TMEM156: variants seen among roughly 807,000 people sequenced by gnomAD.
TMEM156 encodes transmembrane protein 156.
Under a neutral mutation model 30.5 loss-of-function variants are expected in TMEM156, and 28 were observed. The observed-to-expected ratio is 0.92, with a 90% CI of 0.68 to 1.26. The LOEUF (loss-of-function observed/expected upper bound fraction) is 1.26, where lower values mean the gene tolerates loss of function less well. Ranked by LOEUF, TMEM156 falls within the 50% of genes most tolerant of loss-of-function variation. The pLI is 0.00. For synonymous variants in TMEM156, 137 were observed against 119.9 expected (o/e 1.14, Z -0.93); for missense variants, 351 against 340.6 (o/e 1.03, Z -0.24).
chr4:38,990,422 T>C (rs1712337182), intron 3 of TMEM156, among the ~76,000 whole-genome samples: 1 of 152,158 alleles, frequency 6.6e-6, no homozygotes. Flanking sequence ...TGAAGTTAAA[T>C]AGCAGAGAAC....
chr4:39,025,345 C>CAAAAAA, intron 1 of TMEM156, among the ~76,000 whole-genome samples: 1 of 65,760 alleles, frequency 1.5e-5, no homozygotes, highest in Non-Finnish European at 2.7e-5. Context: ...AAGACTGTCT[C>CAAAAAA]AAAAAAAAAA....
rs71304784 is a variant in TMEM156, at chr4:38,990,830, G to GTTTTTTTTTTTTTTTTTTTT, written c.620-1880_620-1861dup. On this transcript the variant is annotated intron_variant, in intron 3 of 6. Transcript: ENST00000381938. ...CTTTGTTTTTTTGGTTTGTTTTCTG[G>GTTTTTTTTTTTTTTTTTTTT]TTTTTTTTTTTTTTTTTTTTTTTGA... Among the ~76,000 whole-genome samples the GTTTTTTTTTTTTTTTTTTTT allele has an allele frequency of 6.5e-4, 53 of 81,210 alleles. 8 individuals are homozygous for GTTTTTTTTTTTTTTTTTTTT. Among genetic ancestry groups the GTTTTTTTTTTTTTTTTTTTT allele is most frequent in the Non-Finnish European group, 9.9e-4 (41 of 41,354 alleles). The allele number at this position is 81,210 out of a possible 152,430, so 53.3% of individuals were successfully genotyped here.
intron 1 of TMEM156, among the ~76,000 whole-genome samples, chr4:39,007,842 A>T (rs1373078814): frequency 6.6e-6 from 1 of 152,102 alleles, no homozygotes; most frequent in Non-Finnish European, 1.5e-5. Context: ...GATCTTATAT[A>T]TTATTAGATT....
rs774067300 is a variant in TMEM156 at position 38,971,060 on chromosome 4, T to G, written c.*10A>C. ...GTATATTGATCTCACTGATGCACTG[T>G]GGAAGTAACTTATAGTTCTGGAATT... On this transcript the variant is annotated 3_prime_UTR_variant, in exon 6 of 7. Transcript: ENST00000381938. 6.2e-7 allele frequency: 1 copy of G among 1,613,390 alleles called. No individual in the cohort carries two copies. Among genetic ancestry groups the G allele is most frequent in the Non-Finnish European group, 8.5e-7 (1 of 1,179,326 alleles).
chr4:39,010,695 G>A (rs571534140), intron 1 of TMEM156, among the ~76,000 whole-genome samples: 2 of 152,084 alleles, frequency 1.3e-5, no homozygotes, highest in South Asian at 4.2e-4. Flanking sequence ...TAAATGCTGC[G>A]GAGAAAACTG....
intron 5 of TMEM156, among the ~76,000 whole-genome samples, chr4:38,978,059 C>T (rs549212880): frequency 7.0e-4 from 106 of 152,280 alleles, no homozygotes; most frequent in Non-Finnish European, 7.1e-4. Flanking sequence ...AAGGTGTTTT[C>T]GTTACTTTGG....
intron 2 of TMEM156, among the ~76,000 whole-genome samples, chr4:38,997,611 G>T (rs1713022596): frequency 6.6e-6 from 1 of 152,182 alleles, no homozygotes; most frequent in African/African-American, 2.4e-5. Flanking sequence ...TAAATTTGAT[G>T]TTTGGGCTTG....
chr4:39,001,064 C>T (rs1374809335), intron 1 of TMEM156, among the ~76,000 whole-genome samples: 1 of 151,762 alleles, frequency 6.6e-6, no homozygotes, highest in Non-Finnish European at 1.5e-5. Flanking sequence ...GAATAGGCAA[C>T]CTATCTTTCA....
At chr4:39,022,882 T>C (rs1426351774) in intron 1 of TMEM156, among the ~76,000 whole-genome samples, 3 of 152,184 alleles carry the variant, frequency 2.0e-5, no homozygotes, top group African/African-American at 7.2e-5. Flanking sequence ...GTATATTAAA[T>C]ATAAACTAGA....
chr4:38,988,729 A>C, intron 4 of TMEM156, 122 bp downstream of exon 4: 1 of 1,292,140 alleles, frequency 7.7e-7, no homozygotes, highest in Non-Finnish European at 1.1e-6. Context: ...TTATTCCTTG[A>C]GTTACCAAGA....
chr4:38,974,950 G>A (rs146458373), intron 5 of TMEM156, among the ~76,000 whole-genome samples: 1,826 of 152,236 alleles, frequency 0.012, 19 homozygotes, highest in South Asian at 0.021. Context: ...TGGGATTGCA[G>A]GCATGAGCCA....
At chr4:39,013,922 A>G (rs943295941) in intron 1 of TMEM156, among the ~76,000 whole-genome samples, 2 of 152,168 alleles carry the variant, frequency 1.3e-5, no homozygotes, top group African/African-American at 2.4e-5. Context: ...CTTAGTTTCT[A>G]TAAGGGGTCA....
chr4:38,967,463 C>G lies in TMEM156; in HGVS notation c.*217G>C, dbSNP rs1722398049. The G allele has an allele frequency of 6.6e-6, 1 of 151,996 alleles. No individual in the cohort carries two copies. The highest frequency in any genetic ancestry group is 2.4e-5 in the African/African-American group (1 of 41,364). The allele number at this position is 151,996 out of a possible 1,614,324, so 9.4% of individuals were successfully genotyped here. ...TGGCTTCTTGCAAACACTCTTGTTC[C>G]CTTGATCTCATGGAGCGAATGAATG... On this transcript the variant is annotated 3_prime_UTR_variant, in exon 7 of 7. Coordinates refer to ENST00000381938, the MANE Select transcript of TMEM156 (RefSeq NM_024943.3).
At chr4:39,010,381 A>C (rs760376928) in intron 1 of TMEM156, among the ~76,000 whole-genome samples, 1 of 152,164 alleles carries the variant, frequency 6.6e-6, no homozygotes, top group Non-Finnish European at 1.5e-5. Flanking sequence ...ACTTTTCAGA[A>C]TTAGAGAAAA....
intron 1 of TMEM156, among the ~76,000 whole-genome samples, chr4:39,030,371 TGAA>T (rs1437190989): frequency 2.6e-5 from 4 of 152,108 alleles, no homozygotes; most frequent in East Asian, 1.9e-4. Context: ...ATTGACAAGA[TGAA>T]GAAGAACTGA....
At chr4:39,016,434 T>C (rs1031024163) in intron 1 of TMEM156, among the ~76,000 whole-genome samples, 3 of 152,010 alleles carry the variant, frequency 2.0e-5, no homozygotes, top group African/African-American at 7.2e-5. Flanking sequence ...CCTTTCTGTA[T>C]CTATTCTTTT....
At chr4:38,971,263 C>A in intron 5 of TMEM156, 126 bp from the exon 6 acceptor site, 1 of 778,832 alleles carries the variant, frequency 1.3e-6, no homozygotes, top group Non-Finnish European at 2.0e-6. Flanking sequence ...TTGGGACTTT[C>A]TACCCTCACT....
intron 5 of TMEM156, among the ~76,000 whole-genome samples, chr4:38,985,421 G>T (rs1042299711): frequency 6.6e-6 from 1 of 152,074 alleles, no homozygotes; most frequent in African/African-American, 2.4e-5. Flanking sequence ...CTAGGGTTCC[G>T]TGTATCTGCT....
intron 3 of TMEM156, among the ~76,000 whole-genome samples, chr4:38,991,304 G>A (rs1712446232): frequency 6.7e-6 from 1 of 149,020 alleles, no homozygotes; most frequent in Admixed American, 6.8e-5. Context: ...GCTCACTGCA[G>A]CCTTGTCTTC....
Sources: allele counts gnomAD v4.1 joint callset (sites outside exome capture counted in the v4.1 genomes callset), GRCh38; gene constraint gnomAD v4.1.1; transcripts MANE v1.5; gene names NCBI Gene and HGNC (gene_info 2026-07-23, HGNC 2026-07-21).